CPED1: variants seen among roughly 807,000 people sequenced by gnomAD.
CPED1 encodes cadherin-like and PC-esterase domain-containing protein 1.
In CPED1, 114 loss-of-function variants were observed where a neutral mutation model predicts 128.2. The ratio of observed to expected loss-of-function variants is 0.89; its 90% CI spans 0.76 to 1.04. CPED1 has a LOEUF of 1.04. Among genes scored for constraint, CPED1 ranks in the 50% least tolerant of loss-of-function variants. The probability of loss-of-function intolerance (pLI) is 0.00; values close to 1 mark genes in which losing one functional copy is unlikely to be tolerated. For synonymous variants in CPED1, 462 were observed against 426.7 expected (o/e 1.08, Z -1.02); for missense variants, 1,211 against 1,207.1 (o/e 1.00, Z -0.05).
chr7:121,200,992 A>G (rs1317826472), intron 16 of CPED1, among the ~76,000 whole-genome samples: 2 of 152,124 alleles, frequency 1.3e-5, no homozygotes, highest in Non-Finnish European at 2.9e-5. Context: ...GGCAAGGCAC[A>G]GAATCACGTG....
chr7:121,016,356 A>G (rs1159802755), intron 3 of CPED1, among the ~76,000 whole-genome samples: 2 of 152,232 alleles, frequency 1.3e-5, no homozygotes, highest in Non-Finnish European at 2.9e-5. Flanking sequence ...ACAAGTTTTT[A>G]AACAAGTTAT....
At chr7:121,261,729 C>A (rs1405384360) in intron 18 of CPED1, 44 of 1,594,952 alleles carry the variant, frequency 2.8e-5, no homozygotes, top group Middle Eastern at 1.7e-4. Context: ...CACCCCTGCA[C>A]ATAAACCTGA....
chr7:121,267,344 T>C (rs755424223), intron 21 of CPED1, 42 bp downstream of exon 21: 487 of 1,173,282 alleles, frequency 4.2e-4, no homozygotes, highest in Non-Finnish European at 5.5e-4. Flanking sequence ...TCATGATTCC[T>C]ATAAGGATCC....
chr7:121,067,117 CTT>C (rs11360367), intron 5 of CPED1, among the ~76,000 whole-genome samples: 32 of 151,542 alleles, frequency 2.1e-4, no homozygotes, highest in Non-Finnish European at 2.9e-4. Flanking sequence ...GTTTGCATTT[CTT>C]TTTTTTTTAT....
chr7:121,013,116 G>C (rs901341117), intron 2 of CPED1, among the ~76,000 whole-genome samples: 1 of 152,176 alleles, frequency 6.6e-6, no homozygotes, highest in Non-Finnish European at 1.5e-5. Context: ...GGAAGCATCT[G>C]TCTTCCCCTT....
intron 16 of CPED1, among the ~76,000 whole-genome samples, chr7:121,204,946 T>C (rs1797485421): frequency 6.6e-6 from 1 of 152,210 alleles, no homozygotes; most frequent in South Asian, 2.1e-4. Flanking sequence ...ATGATTCAAA[T>C]GGGTGCTGTA....
chr7:121,178,271 G>T (rs1159700798), intron 16 of CPED1, among the ~76,000 whole-genome samples: 1 of 152,078 alleles, frequency 6.6e-6, no homozygotes, highest in African/African-American at 2.4e-5. Context: ...TGCCCATCCT[G>T]ACTTCCTTGA....
intron 16 of CPED1, among the ~76,000 whole-genome samples, chr7:121,217,777 T>G (rs1033235240): frequency 2.0e-5 from 3 of 152,012 alleles, no homozygotes; most frequent in African/African-American, 7.2e-5. Flanking sequence ...TGAAAGCCTG[T>G]ATAGAAGAAT....
intron 4 of CPED1, among the ~76,000 whole-genome samples, chr7:121,063,945 ATTTTC>A (rs758237043): frequency 3.7e-4 from 57 of 152,102 alleles, no homozygotes; most frequent in South Asian, 8.3e-4. Flanking sequence ...TGTCTCAAGT[ATTTTC>A]TTTTATATTT....
At chr7:121,282,470 T>C (rs1792481503) in intron 22 of CPED1, among the ~76,000 whole-genome samples, 1 of 152,214 alleles carries the variant, frequency 6.6e-6, no homozygotes, top group Non-Finnish European at 1.5e-5. Flanking sequence ...AATTTGCTCC[T>C]TACTGTACAG....
At chr7:121,015,621 T>C (rs746519249) in intron 2 of CPED1, 44 bp from the exon 3 acceptor site, 1 of 1,528,198 alleles carries the variant, frequency 6.5e-7, no homozygotes. Context: ...TCAAGGGAAA[T>C]GTACTACTTT....
intron 16 of CPED1, among the ~76,000 whole-genome samples, chr7:121,222,540 TTTGG>T (rs1797906892): frequency 6.6e-6 from 1 of 152,188 alleles, no homozygotes; most frequent in South Asian, 2.1e-4. Flanking sequence ...ATAAATTACC[TTTGG>T]CAGTATGGCC....
At chr7:121,247,593 G>T (rs1798566674) in intron 18 of CPED1, among the ~76,000 whole-genome samples, 1 of 152,124 alleles carries the variant, frequency 6.6e-6, no homozygotes, top group African/African-American at 2.4e-5. Context: ...AGCCCTGAAT[G>T]GGTCCCGGGG....
chr7:121,012,306 G>A (rs768597818), intron 2 of CPED1, among the ~76,000 whole-genome samples: 4 of 152,194 alleles, frequency 2.6e-5, no homozygotes, highest in African/African-American at 9.7e-5. Flanking sequence ...CTAGCAAAGG[G>A]ATTTCTAAGG....
intron 16 of CPED1, among the ~76,000 whole-genome samples, chr7:121,192,343 A>T (rs970690704): frequency 1.3e-5 from 2 of 152,166 alleles, no homozygotes; most frequent in Non-Finnish European, 2.9e-5. Flanking sequence ...TGGATTTCAG[A>T]TTCTTGGATT....
intron 5 of CPED1, among the ~76,000 whole-genome samples, chr7:121,086,028 C>T (rs1794418991): frequency 6.6e-6 from 1 of 152,128 alleles, no homozygotes; most frequent in Non-Finnish European, 1.5e-5. Context: ...AATCTAAATA[C>T]AGAATTGAGA....
At chr7:121,073,797 A>G (rs913641955) in intron 5 of CPED1, among the ~76,000 whole-genome samples, 56 of 119,002 alleles carry the variant, frequency 4.7e-4, no homozygotes, top group African/African-American at 1.6e-3. Context: ...GAAACCCTTC[A>G]CCTCTTCCCA....
At chr7:121,217,216 T>C (rs1797778126) in intron 16 of CPED1, among the ~76,000 whole-genome samples, 2 of 151,990 alleles carry the variant, frequency 1.3e-5, no homozygotes, top group African/African-American at 4.8e-5. Flanking sequence ...CATGAGCCAC[T>C]ATGCCTGGCC....
At chr7:121,120,501 A>T (rs982073041) in intron 7 of CPED1, among the ~76,000 whole-genome samples, 2 of 152,180 alleles carry the variant, frequency 1.3e-5, no homozygotes, top group African/African-American at 2.4e-5. Flanking sequence ...ATCTGAGAAG[A>T]TGAAAAGTTC....
Sources: gnomAD v4.1 joint callset for allele counts (sites outside exome capture counted in the v4.1 genomes callset) on GRCh38, gnomAD v4.1.1 for gene constraint, MANE v1.5 for transcripts, NCBI Gene and HGNC (gene_info 2026-07-23, HGNC 2026-07-21) for gene names.